RNLS: variants seen among roughly 807,000 people sequenced by gnomAD.
The protein encoded by RNLS is renalase, FAD dependent amine oxidase.
In RNLS, 39 loss-of-function variants were observed where a neutral mutation model predicts 39.8. That is an observed-to-expected ratio of 0.98 (90% CI 0.76 to 1.28). RNLS has a LOEUF of 1.28. RNLS is among the 50% of genes most tolerant of loss of function. The pLI, the probability that RNLS is intolerant of heterozygous loss-of-function variation, is 0.00. For missense variants in RNLS, 410 were observed against 413.3 expected (o/e 0.99, Z 0.07); for synonymous variants, 147 against 150.7 (o/e 0.98, Z 0.18).
At chr10:88,296,462 T>C (rs1020795415) in intron 6 of RNLS, among the ~76,000 whole-genome samples, 1 of 152,186 alleles carries the variant, frequency 6.6e-6, no homozygotes, top group African/African-American at 2.4e-5. Context: ...TTTCTGGTTC[T>C]CATTCATGTT....
At chr10:88,477,407 G>A (rs947927644) in intron 4 of RNLS, among the ~76,000 whole-genome samples, 1 of 152,114 alleles carries the variant, frequency 6.6e-6, no homozygotes, top group Non-Finnish European at 1.5e-5. Flanking sequence ...CAGGGAAGGA[G>A]AGAAAGATGG....
chr10:88,431,845 A>C (rs1406424174), intron 4 of RNLS, among the ~76,000 whole-genome samples: 3 of 151,686 alleles, frequency 2.0e-5, no homozygotes, highest in Non-Finnish European at 4.4e-5. Context: ...TATTACTTGA[A>C]TCTTTTAAAG....
chr10:88,222,430 G>C, the RNLS span, among the ~76,000 whole-genome samples: 1 of 152,054 alleles, frequency 6.6e-6, no homozygotes. Flanking sequence ...TTCACAGCCT[G>C]GTCCCACAAC....
intron 4 of RNLS, among the ~76,000 whole-genome samples, chr10:88,416,567 T>C (rs1854042513): frequency 6.6e-6 from 1 of 152,238 alleles, no homozygotes; most frequent in African/African-American, 2.4e-5. Flanking sequence ...ATTATATTAA[T>C]TGGCAAAGTC....
At chr10:88,500,384 G>T (rs141013726) in intron 4 of RNLS, among the ~76,000 whole-genome samples, 15 of 152,204 alleles carry the variant, frequency 9.9e-5, no homozygotes, top group Admixed American at 7.2e-4. Flanking sequence ...TGAAGCATCT[G>T]TATTTTCCAA....
At chr10:88,430,668 G>C (rs1008832703) in intron 4 of RNLS, among the ~76,000 whole-genome samples, 1 of 151,630 alleles carries the variant, frequency 6.6e-6, no homozygotes, top group Admixed American at 6.6e-5. Flanking sequence ...TCTATTCCTG[G>C]TTTGCTATTC....
At chr10:88,403,002 G>A (rs1031701111) in intron 4 of RNLS, among the ~76,000 whole-genome samples, 2 of 151,998 alleles carry the variant, frequency 1.3e-5, no homozygotes, top group African/African-American at 4.8e-5. Context: ...GGCCCCCAGT[G>A]AATCTGATCA....
chr10:88,174,794 C>T, the RNLS span, among the ~76,000 whole-genome samples: 1 of 152,066 alleles, frequency 6.6e-6, no homozygotes, highest in African/African-American at 2.4e-5. Flanking sequence ...GAAAGAATTC[C>T]CTCCTCTTAA....
At chr10:88,243,411 G>C in the RNLS span, among the ~76,000 whole-genome samples, 1 of 152,188 alleles carries the variant, frequency 6.6e-6, no homozygotes, top group African/African-American at 2.4e-5. Context: ...ACTGCAGTTT[G>C]GGAGTCTTGA....
chr10:88,434,938 C>T (rs2133823242), intron 4 of RNLS, among the ~76,000 whole-genome samples: 1 of 151,544 alleles, frequency 6.6e-6, no homozygotes, highest in Non-Finnish European at 1.5e-5. Flanking sequence ...GAATTTGTGC[C>T]AATAAAGGGC....
chr10:88,482,727 T>G (rs1271012840), intron 4 of RNLS, among the ~76,000 whole-genome samples: 1 of 152,188 alleles, frequency 6.6e-6, no homozygotes, highest in East Asian at 1.9e-4. Flanking sequence ...TGTCTCTGAA[T>G]TTTTGTTAAA....
At chr10:88,222,847 G>A in the RNLS span, among the ~76,000 whole-genome samples, 40 of 152,204 alleles carry the variant, frequency 2.6e-4, no homozygotes, top group African/African-American at 9.2e-4. Flanking sequence ...AAATCAATTC[G>A]AGGGAGTCAC....
At chr10:88,280,999 G>C (rs1842990189), downstream of RNLS, among the ~76,000 whole-genome samples, 1 of 152,144 alleles carries the variant, frequency 6.6e-6, no homozygotes, top group African/African-American at 2.4e-5. Flanking sequence ...GAACTGTTGA[G>C]TGGACAATAA....
chr10:88,383,917 A>C (rs1056885757), intron 4 of RNLS, among the ~76,000 whole-genome samples: 2 of 152,146 alleles, frequency 1.3e-5, no homozygotes, highest in African/African-American at 4.8e-5. Flanking sequence ...GATAGGAAGC[A>C]CTAACTTTGA....
At chr10:88,249,930 G>T in the RNLS span, among the ~76,000 whole-genome samples, 15 of 152,186 alleles carry the variant, frequency 9.9e-5, no homozygotes, top group Non-Finnish European at 1.6e-4. Flanking sequence ...AATTTCTGGG[G>T]TCATGTTTTA....
At chr10:88,188,242 A>T in the RNLS span, among the ~76,000 whole-genome samples, 1 of 152,150 alleles carries the variant, frequency 6.6e-6, no homozygotes, top group Non-Finnish European at 1.5e-5. Flanking sequence ...TTTTTAGTGG[A>T]GATGGGGTTT....
At chr10:88,446,190 T>A (rs1842024734) in intron 4 of RNLS, among the ~76,000 whole-genome samples, 1 of 152,194 alleles carries the variant, frequency 6.6e-6, no homozygotes, top group South Asian at 2.1e-4. Flanking sequence ...ACATGGAAAC[T>A]GAACAACCTG....
rs185180056 is a variant in RNLS at position 88,429,056 on chromosome 10, T to G, written c.527-66331A>C. 8.0e-4 allele frequency among the ~76,000 whole-genome samples: 122 copies of G among 151,914 alleles called. 1 individual carries two copies. The highest frequency in any genetic ancestry group is 1.6e-3 in the Non-Finnish European group (106 of 67,834). On this transcript the variant is annotated intron_variant, in intron 4 of 6. Coordinates refer to ENST00000331772, the MANE Select transcript of RNLS (RefSeq NM_001031709.3). ...TTCATTAATCTCATCTAGTAAGAAC[T>G]GACTTAAAGAAGCTTTAAAAAAAAT...
intron 4 of RNLS, among the ~76,000 whole-genome samples, chr10:88,420,035 T>C (rs951633543): frequency 6.3e-5 from 7 of 110,298 alleles, no homozygotes; most frequent in Admixed American, 9.4e-5. Flanking sequence ...AATAAATAAA[T>C]AAATAAATAA....
Sources: allele counts gnomAD v4.1 joint callset (sites outside exome capture counted in the v4.1 genomes callset), GRCh38; gene constraint gnomAD v4.1.1; transcripts MANE v1.5; gene names NCBI Gene and HGNC (gene_info 2026-07-23, HGNC 2026-07-21).